RIT2: variants seen among roughly 807,000 people sequenced by gnomAD.
RIT2 encodes Ras like without CAAX 2, also known as GTP-binding protein Rit2.
Under a neutral mutation model 23.7 loss-of-function variants are expected in RIT2, and 24 were observed. That is an observed-to-expected ratio of 1.01 (90% confidence interval 0.73 to 1.43). The LOEUF (loss-of-function observed/expected upper bound fraction) is 1.43, where lower values mean the gene tolerates loss of function less well. Among genes scored for constraint, RIT2 ranks in the 40% most tolerant of loss-of-function variants. The pLI is 0.00. For missense variants in RIT2, 236 were observed against 266.9 expected, an observed-to-expected ratio of 0.88 and a Z score of 0.81; for synonymous variants, 107 against 91.1, an observed-to-expected ratio of 1.17 and a Z score of -0.99.
chr18:42,958,857 T>A (rs1031702877), intron 3 of RIT2, among the ~76,000 whole-genome samples: 3 of 152,128 alleles, frequency 2.0e-5, no homozygotes, highest in Non-Finnish European at 4.4e-5. Context: ...TCTATGCTAT[T>A]CCAGGGTGAA....
rs117876953 is a variant in RIT2, at chr18:42,854,647, G to A, written c.426+68925C>T. ...CTCTGTCTATGAGACCAGGCATACC[G>A]TTGAACAATACTGAGAATTAAAAAC... is the stretch of plus-strand genomic sequence containing the variant. On this transcript the variant is annotated intron_variant, in intron 4 of 4. Transcript: ENST00000326695. Among the ~76,000 whole-genome samples the A allele has an allele frequency of 2.3e-3, 351 of 152,196 alleles. 8 individuals carry two copies. The highest frequency in any genetic ancestry group is 0.016 in the Admixed American group (249 of 15,284).
At chr18:42,950,800 G>GA (rs1022867691) in intron 3 of RIT2, among the ~76,000 whole-genome samples, 7 of 148,924 alleles carry the variant, frequency 4.7e-5, no homozygotes, top group Non-Finnish European at 8.9e-5. Flanking sequence ...TGGAGCATGT[G>GA]AAAAAAATGC....
At chr18:42,751,173 G>A (rs1913036950) in intron 4 of RIT2, among the ~76,000 whole-genome samples, 1 of 151,848 alleles carries the variant, frequency 6.6e-6, no homozygotes, top group South Asian at 2.1e-4. Context: ...CTGACATTGA[G>A]TTATCATTTT....
At chr18:42,925,017 G>A (rs1909146038) in intron 3 of RIT2, among the ~76,000 whole-genome samples, 1 of 151,990 alleles carries the variant, frequency 6.6e-6, no homozygotes, top group African/African-American at 2.4e-5. Flanking sequence ...TCATTTCTAA[G>A]TTGCAAGAAC....
At chr18:42,999,445 G>C (rs1034588667) in intron 2 of RIT2, among the ~76,000 whole-genome samples, 5 of 151,996 alleles carry the variant, frequency 3.3e-5, no homozygotes, top group African/African-American at 1.2e-4. Context: ...TATGAGAAAA[G>C]GGGAAAAGTG....
chr18:42,746,576 A>G (rs1036919585), intron 4 of RIT2, among the ~76,000 whole-genome samples: 2 of 152,126 alleles, frequency 1.3e-5, no homozygotes, highest in African/African-American at 4.8e-5. Context: ...CTAAAAATAC[A>G]GTCTCAGTTT....
intron 4 of RIT2, among the ~76,000 whole-genome samples, chr18:42,858,497 C>T (rs995432559): frequency 6.6e-6 from 1 of 152,030 alleles, no homozygotes; most frequent in Non-Finnish European, 1.5e-5. Context: ...CAAAGGAGTC[C>T]CCTGAATGGA....
intron 1 of RIT2, among the ~76,000 whole-genome samples, chr18:43,052,644 C>G (rs982923993): frequency 6.6e-6 from 1 of 151,942 alleles, no homozygotes; most frequent in African/African-American, 2.4e-5. Context: ...TGACATTGCC[C>G]CAGTCATGTC....
chr18:42,857,629 C>T (rs1907220757), intron 4 of RIT2, among the ~76,000 whole-genome samples: 1 of 152,190 alleles, frequency 6.6e-6, no homozygotes, highest in South Asian at 2.1e-4. Flanking sequence ...CACATCATAG[C>T]CAGCCCCTGA....
At chr18:42,919,232 A>T (rs1908992472) in intron 4 of RIT2, among the ~76,000 whole-genome samples, 1 of 152,150 alleles carries the variant, frequency 6.6e-6, no homozygotes, top group Non-Finnish European at 1.5e-5. Context: ...CCTCTAAGTA[A>T]AGAAATGAAA....
At chr18:43,053,842 CT>C (rs1235341105) in intron 1 of RIT2, among the ~76,000 whole-genome samples, 2 of 151,950 alleles carry the variant, frequency 1.3e-5, no homozygotes, top group Non-Finnish European at 2.9e-5. Flanking sequence ...AAGAAATTTC[CT>C]TTTTAGATCT....
chr18:42,847,550 T>C (rs1906943910), intron 4 of RIT2, among the ~76,000 whole-genome samples: 1 of 152,156 alleles, frequency 6.6e-6, no homozygotes, highest in Admixed American at 6.5e-5. Flanking sequence ...TAAATCTTCA[T>C]GCACCCCAAG....
chr18:42,865,211 T>C (rs1392571046), intron 4 of RIT2, among the ~76,000 whole-genome samples: 3 of 152,176 alleles, frequency 2.0e-5, no homozygotes, highest in Non-Finnish European at 2.9e-5. Flanking sequence ...CCAGTGCAAG[T>C]TTTGATGACT....
intron 1 of RIT2, among the ~76,000 whole-genome samples, chr18:43,069,335 A>T (rs1228098699): frequency 6.6e-6 from 1 of 152,006 alleles, no homozygotes; most frequent in Non-Finnish European, 1.5e-5. Flanking sequence ...TTCTTAATAA[A>T]CTTGCTTTGG....
intron 3 of RIT2, among the ~76,000 whole-genome samples, chr18:42,951,273 T>C (rs894561851): frequency 2.0e-5 from 3 of 152,098 alleles, no homozygotes; most frequent in African/African-American, 7.2e-5. Flanking sequence ...TCATGTCCTT[T>C]GCAGCAAAAA....
At chr18:42,907,426 AG>A (rs78505399) in intron 4 of RIT2, among the ~76,000 whole-genome samples, 20,187 of 152,192 alleles carry the variant, frequency 0.13, 2,093 homozygotes, top group East Asian at 0.6. Flanking sequence ...AGACTGTTGA[AG>A]GGGTTGAGCA....
chr18:42,867,436 C>T (rs557154823), intron 4 of RIT2, among the ~76,000 whole-genome samples: 1 of 151,986 alleles, frequency 6.6e-6, no homozygotes, highest in Admixed American at 6.6e-5. Context: ...GCAATATACT[C>T]TAATTATAAT....
chr18:43,080,677 A>T (rs1913136348), intron 1 of RIT2, among the ~76,000 whole-genome samples: 2 of 152,124 alleles, frequency 1.3e-5, no homozygotes, highest in South Asian at 4.1e-4. Flanking sequence ...TGCTTATTTC[A>T]TTTGATTCTT....
At chr18:42,977,793 T>C (rs1215345361) in intron 2 of RIT2, among the ~76,000 whole-genome samples, 2 of 149,452 alleles carry the variant, frequency 1.3e-5, no homozygotes, top group Non-Finnish European at 3.0e-5. Context: ...AAGGTAGAAG[T>C]TGTGGAAAGT....
Sources: gnomAD v4.1 joint callset for allele counts (sites outside exome capture counted in the v4.1 genomes callset) on GRCh38, gnomAD v4.1.1 for gene constraint, MANE v1.5 for transcripts, NCBI Gene and HGNC (gene_info 2026-07-23, HGNC 2026-07-21) for gene names.